Variants in TBC1D32 observed in about 807,000 individuals in gnomAD.
TBC1D32 encodes protein broad-minded.
In TBC1D32, 151 loss-of-function variants were observed where a neutral mutation model predicts 170.3. The observed-to-expected ratio is 0.89, with a 90% confidence interval of 0.78 to 1.01. The LOEUF is 1.01. Ranked by LOEUF, TBC1D32 falls within the 50% of genes least tolerant of loss-of-function variation. The pLI, the probability that TBC1D32 is intolerant of heterozygous loss-of-function variation, is 0.00. For synonymous variants in TBC1D32, 498 were observed against 488.0 expected (o/e 1.02, Z -0.27); for missense variants, 1,464 against 1,457.1 (o/e 1.00, Z -0.08).
intron 30 of TBC1D32, among the ~76,000 whole-genome samples, chr6:121,100,637 A>G (rs1352657132): frequency 6.6e-6 from 1 of 152,108 alleles, no homozygotes; most frequent in Admixed American, 6.6e-5. Context: ...AAAAGCAGGA[A>G]AGATCTAAAA....
intron 17 of TBC1D32, among the ~76,000 whole-genome samples, chr6:121,252,962 T>C (rs942613818): frequency 2.0e-5 from 3 of 152,152 alleles, no homozygotes; most frequent in African/African-American, 7.2e-5. Context: ...CAACACATGA[T>C]GGATCAAAGA....
At chr6:121,161,451 T>C (rs1785647025) in intron 22 of TBC1D32, among the ~76,000 whole-genome samples, 1 of 152,142 alleles carries the variant, frequency 6.6e-6, no homozygotes, top group Non-Finnish European at 1.5e-5. Flanking sequence ...GAACATAGAG[T>C]ATTTGGTTTT....
At chr6:121,132,591 C>G (rs1781555248) in intron 24 of TBC1D32, among the ~76,000 whole-genome samples, 1 of 151,864 alleles carries the variant, frequency 6.6e-6, no homozygotes, top group Admixed American at 6.6e-5. Context: ...TTGTATTATG[C>G]TTTTCTCCTG....
intron 12 of TBC1D32, among the ~76,000 whole-genome samples, chr6:121,285,606 T>C (rs1803683421): frequency 6.6e-6 from 1 of 152,076 alleles, no homozygotes; most frequent in Non-Finnish European, 1.5e-5. Flanking sequence ...AGACGGGTGA[T>C]TTCTGCATTT....
At chr6:121,083,645 G>A (rs1356702739) in intron 31 of TBC1D32, among the ~76,000 whole-genome samples, 1 of 152,028 alleles carries the variant, frequency 6.6e-6, no homozygotes, top group African/African-American at 2.4e-5. Context: ...CTAGGACATT[G>A]ATTAAAATAT....
intron 14 of TBC1D32, among the ~76,000 whole-genome samples, chr6:121,280,135 A>G (rs746867804): frequency 1.3e-5 from 2 of 151,874 alleles, no homozygotes; most frequent in African/African-American, 2.4e-5. Flanking sequence ...CAAAAAGTAT[A>G]TCACTTTTCC....
At chr6:121,232,960 T>C (rs1262683346) in intron 20 of TBC1D32, among the ~76,000 whole-genome samples, 1 of 152,164 alleles carries the variant, frequency 6.6e-6, no homozygotes, top group African/African-American at 2.4e-5. Flanking sequence ...GATATCATTG[T>C]TGGTCCAATG....
At position 121,113,128 on chromosome 6, in the gene TBC1D32, T is replaced by C; in HGVS notation, c.3103A>G (p.Thr1035Ala). The C allele has an allele frequency of 6.2e-7, 1 of 1,611,992 alleles. No homozygotes were observed. Among genetic ancestry groups the C allele is most frequent in the South Asian group, 1.1e-5 (1 of 90,620 alleles). Residue 1035 changes from threonine to alanine, a missense_variant, in exon 28 of 32, where the codon ACC becomes GCC. Around this residue, in one of 3 missense-constraint regions of TBC1D32, gnomAD observed 1,363 missense variants for 1,338.1 expected, o/e 1.02. Transcript: ENST00000398212. ...LLKDGAENDL[T>A]WVLKHCERFL... is the part of the protein sequence containing the mutation. The stretch of plus-strand genomic sequence containing the variant: ...CTCTCACAATGCTTTAAAACCCAGG[T>C]AAGATCATTTTCTGCACCATCTTTT...
intron 20 of TBC1D32, among the ~76,000 whole-genome samples, chr6:121,235,904 G>A (rs1158177323): frequency 6.6e-6 from 1 of 152,136 alleles, no homozygotes; most frequent in Non-Finnish European, 1.5e-5. Context: ...TAATCCTAAA[G>A]TTAATTTCTT....
intron 15 of TBC1D32, among the ~76,000 whole-genome samples, chr6:121,267,912 A>G (rs1056737474): frequency 1.3e-5 from 2 of 152,130 alleles, no homozygotes; most frequent in African/African-American, 4.8e-5. Context: ...TGAAGCTTCC[A>G]GTGGAACGAT....
At chr6:121,202,481 G>A (rs1167611972) in intron 22 of TBC1D32, among the ~76,000 whole-genome samples, 2 of 151,178 alleles carry the variant, frequency 1.3e-5, no homozygotes, top group Non-Finnish European at 1.5e-5. Context: ...CTAGCGATGA[G>A]CAGGATGAAT....
intron 17 of TBC1D32, among the ~76,000 whole-genome samples, chr6:121,254,692 G>A (rs1397794082): frequency 1.3e-5 from 2 of 151,938 alleles, no homozygotes; most frequent in East Asian, 1.9e-4. Context: ...CTTTAACAAA[G>A]AATAGCCCTT....
chr6:121,162,246 T>C (rs1048341113), intron 22 of TBC1D32, among the ~76,000 whole-genome samples: 2 of 152,330 alleles, frequency 1.3e-5, no homozygotes, highest in African/African-American at 2.4e-5. Flanking sequence ...GCTTTTGGCA[T>C]CTTCCTCATG....
At chr6:121,207,231 G>C (rs1270128915) in intron 21 of TBC1D32, among the ~76,000 whole-genome samples, 1 of 152,060 alleles carries the variant, frequency 6.6e-6, no homozygotes, top group African/African-American at 2.4e-5. Context: ...ATGCATAGTA[G>C]TTTCTAAAAG....
chr6:121,085,373 G>GTATATA (rs72212075), intron 31 of TBC1D32, among the ~76,000 whole-genome samples: 5 of 108,078 alleles, frequency 4.6e-5, no homozygotes, highest in African/African-American at 1.3e-4. Flanking sequence ...ATATATATGT[G>GTATATA]TATATATATA....
At chr6:121,192,839 C>T (rs537700741) in intron 22 of TBC1D32, among the ~76,000 whole-genome samples, 1 of 152,048 alleles carries the variant, frequency 6.6e-6, no homozygotes, top group Non-Finnish European at 1.5e-5. Context: ...TCAGTCTTTC[C>T]ATCTTTGTCT....
intron 15 of TBC1D32, among the ~76,000 whole-genome samples, chr6:121,259,968 T>A (rs1261373929): frequency 2.6e-5 from 4 of 152,114 alleles, no homozygotes; most frequent in African/African-American, 9.7e-5. Context: ...GAAGTTTATA[T>A]ACTAACACTT....
At chr6:121,291,535 A>C (rs1804871512) in intron 12 of TBC1D32, among the ~76,000 whole-genome samples, 1 of 151,832 alleles carries the variant, frequency 6.6e-6, no homozygotes, top group Non-Finnish European at 1.5e-5. Context: ...TACTAACAGC[A>C]TGTGCTGAAG....
At chr6:121,096,494 G>T (rs1293256426) in intron 30 of TBC1D32, among the ~76,000 whole-genome samples, 5 of 152,124 alleles carry the variant, frequency 3.3e-5, no homozygotes, top group Admixed American at 3.3e-4. Context: ...TACAAGGGAT[G>T]TGAAGGACCT....
Sources: allele counts gnomAD v4.1 joint callset (sites outside exome capture counted in the v4.1 genomes callset), GRCh38; gene constraint gnomAD v4.1.1; regional missense constraint gnomAD v4.1.1; transcripts MANE v1.5; gene names NCBI Gene and HGNC (gene_info 2026-07-23, HGNC 2026-07-21).